Variants in ESPNL observed in about 807,000 individuals in gnomAD.
The protein encoded by ESPNL is espin-like protein.
Under a neutral mutation model 46.8 loss-of-function variants are expected in ESPNL, and 49 were observed. The ratio of observed to expected loss-of-function variants is 1.05; its 90% CI spans 0.83 to 1.33. ESPNL has a LOEUF of 1.33. ESPNL is among the 40% of genes most tolerant of loss of function. ESPNL has a pLI of 0.00. For synonymous variants in ESPNL, 664 were observed against 662.1 expected, an observed-to-expected ratio of 1.00 and a Z score of -0.04; for missense variants, 1,540 against 1,436.6, an observed-to-expected ratio of 1.07 and a Z score of -1.16.
intron 7 of ESPNL, among the ~76,000 whole-genome samples, 188 bp downstream of exon 7, chr2:238,127,922 C>T (rs1002862572): frequency 1.3e-5 from 2 of 152,114 alleles, no homozygotes; most frequent in African/African-American, 4.8e-5. Context: ...AATGTCAGGG[C>T]GACGGCAGCT....
intron 5 of ESPNL, among the ~76,000 whole-genome samples, chr2:238,118,958 G>C (rs1445802434): frequency 7.2e-6 from 1 of 139,562 alleles, no homozygotes; most frequent in Non-Finnish European, 1.5e-5. Context: ...GATTGATGGA[G>C]GAGGGTGGAT....
At chr2:238,123,108 G>A (rs1037714514) in intron 5 of ESPNL, among the ~76,000 whole-genome samples, 4 of 152,168 alleles carry the variant, frequency 2.6e-5, no homozygotes, top group African/African-American at 9.7e-5. Flanking sequence ...GCATAGGTCT[G>A]TATCTCCTCT....
chr2:238,107,366 T>C (rs1180733682), intron 3 of ESPNL, among the ~76,000 whole-genome samples: 4 of 152,146 alleles, frequency 2.6e-5, no homozygotes, highest in South Asian at 2.1e-4. Context: ...GACCCGCTGC[T>C]CCAGCAAAGG....
chr2:238,101,748 T>TCC (rs753195309), intron 1 of ESPNL, among the ~76,000 whole-genome samples, 193 bp from the exon 2 acceptor site: 26 of 152,072 alleles, frequency 1.7e-4, no homozygotes, highest in Non-Finnish European at 2.6e-4. Context: ...GTCCTGGCCC[T>TCC]CCTCTCACCT....
At chr2:238,111,486 GT>G (rs1312624713) in intron 4 of ESPNL, among the ~76,000 whole-genome samples, 1 of 152,078 alleles carries the variant, frequency 6.6e-6, no homozygotes, top group Non-Finnish European at 1.5e-5. Context: ...CCTACTTTCT[GT>G]TTTTTATGAA....
chr2:238,107,614 C>T (rs891917602), intron 3 of ESPNL, among the ~76,000 whole-genome samples, 177 bp from the exon 4 acceptor site: 2 of 152,224 alleles, frequency 1.3e-5, no homozygotes, highest in African/African-American at 4.8e-5. Flanking sequence ...GGTCCTGCTG[C>T]CCCAGGGTGA....
intron 8 of ESPNL, 83 bp downstream of exon 8, chr2:238,128,987 G>T (rs913968264): frequency 2.0e-6 from 3 of 1,476,116 alleles, no homozygotes; most frequent in Non-Finnish European, 1.8e-6. Flanking sequence ...GGCGCCCGAA[G>T]CCCAGAACTG....
chr2:238,117,860 A>G (rs554421156), intron 5 of ESPNL, among the ~76,000 whole-genome samples: 1 of 152,038 alleles, frequency 6.6e-6, no homozygotes, highest in African/African-American at 2.4e-5. Context: ...AAATGAGGAG[A>G]GGGATACATG....
intron 5 of ESPNL, among the ~76,000 whole-genome samples, chr2:238,122,556 G>A (rs187082199): frequency 1.2e-3 from 185 of 152,308 alleles, no homozygotes; most frequent in African/African-American, 1.4e-3. Flanking sequence ...CTGTGCTGGG[G>A]CCAGAGTCCG....
rs748101194 is a variant in ESPNL at position 238,131,636 on chromosome 2, G to C, written c.2922G>C (p.Gln974His). Residue 974 changes from glutamine (Q) to histidine (H), a missense_variant, in exon 9 of 9, where the codon CAG becomes CAC. Transcript: ENST00000343063. ...TAQRLGSRSQ[Q>H]GSFNGEDICG... ...AGCGGCTGGGGTCCCGCTCCCAGCA[G>C]GGCAGCTTCAACGGTGAGGACATCT... The C allele has an allele frequency of 6.2e-7, 1 of 1,610,816 alleles. No individual in the cohort carries two copies. Among genetic ancestry groups the C allele is most frequent in the Non-Finnish European group, 8.5e-7 (1 of 1,178,402 alleles).
chr2:238,125,415 G>A, intron 6 of ESPNL, 31 bp downstream of exon 6: 1 of 1,346,024 alleles, frequency 7.4e-7, no homozygotes, highest in East Asian at 2.8e-5. Context: ...GGGCCACCCA[G>A]GGCATGGGCC....
intron 5 of ESPNL, among the ~76,000 whole-genome samples, chr2:238,119,466 A>G (rs1181614388): frequency 1.2e-5 from 1 of 80,210 alleles, no homozygotes; most frequent in African/African-American, 5.4e-5. Context: ...TAGATGAAGG[A>G]GGAATGGATG....
chr2:238,115,364 C>T (rs955125574), intron 4 of ESPNL, among the ~76,000 whole-genome samples: 8 of 152,156 alleles, frequency 5.3e-5, no homozygotes, highest in Admixed American at 4.6e-4. Context: ...CGGTAGGGGC[C>T]GGGGCAAGGG....
chr2:238,115,388 C>T (rs989991186), intron 4 of ESPNL, among the ~76,000 whole-genome samples: 1 of 152,154 alleles, frequency 6.6e-6, no homozygotes, highest in Admixed American at 6.6e-5. Flanking sequence ...CTGGTGGTGC[C>T]GACCATAGAT....
At chr2:238,112,123 C>T (rs574577991) in intron 4 of ESPNL, among the ~76,000 whole-genome samples, 1 of 151,892 alleles carries the variant, frequency 6.6e-6, no homozygotes, top group South Asian at 2.1e-4. Context: ...CTCGTGAAAT[C>T]CTCTGGATCT....
At chr2:238,129,260 C>T in intron 8 of ESPNL, 1 of 1,174,398 alleles carries the variant, frequency 8.5e-7, no homozygotes. Flanking sequence ...GGTGCGATTC[C>T]CACTGCTGTG....
At chr2:238,117,199 G>A (rs1050024492) in intron 5 of ESPNL, among the ~76,000 whole-genome samples, 165 bp downstream of exon 5, 4 of 152,222 alleles carry the variant, frequency 2.6e-5, no homozygotes, top group Admixed American at 2.0e-4. Context: ...GGACTGAGGC[G>A]CCACAGGGCA....
Position 238,117,058 on chromosome 2 carries a change from C to T in ESPNL, c.987+24C>T, listed in dbSNP as rs374556797. The T allele has an allele frequency of 8.3e-5, 133 of 1,594,434 alleles. No individual in the cohort carries two copies. The African/African-American group carries it at 1.5e-3, about 18-fold the overall frequency. Reference sequence around the variant, plus strand: ...CGGTAAGGCTCAGGGTCCCCAGCTGCCCTGGAGGCATGGGGGGTGGGCCCA... The same window carrying T: ...CGGTAAGGCTCAGGGTCCCCAGCTGTCCTGGAGGCATGGGGGGTGGGCCCA... On this transcript the variant is annotated intron_variant, in intron 5 of 8. Coordinates refer to ENST00000343063, the MANE Select transcript of ESPNL (RefSeq NM_194312.4).
At position 238,127,429 on chromosome 2, in the gene ESPNL, G is replaced by A. The variant is rs1354528573; in HGVS notation, c.1103-193G>A. ...GCTCTCCCATCGACCAGGCGGGGGCGGGCCCCACTGACTCCCCAGAGAAGG... is the reference window on the plus strand; with the variant it reads ...GCTCTCCCATCGACCAGGCGGGGGCAGGCCCCACTGACTCCCCAGAGAAGG... On this transcript the variant is annotated intron_variant, in intron 6 of 8. Coordinates refer to ENST00000343063, the MANE Select transcript of ESPNL (RefSeq NM_194312.4). The A allele has an allele frequency of 6.0e-6, 8 of 1,329,968 alleles. No individual in the cohort carries two copies. In the South Asian group the frequency reaches 8.1e-5, roughly 13 times the overall value. 82.4% of individuals were successfully genotyped at this position (1,329,968 alleles called of 1,614,324 possible).
Sources: allele counts gnomAD v4.1 joint callset (sites outside exome capture counted in the v4.1 genomes callset), GRCh38; gene constraint gnomAD v4.1.1; transcripts MANE v1.5; gene names NCBI Gene and HGNC (gene_info 2026-07-23, HGNC 2026-07-21).